The following SCMH1 variants were observed in gnomAD, a reference collection of about 807,000 sequenced individuals.
SCMH1 encodes the protein Scm polycomb group protein homolog 1.
In SCMH1, 37 loss-of-function variants were observed where a neutral mutation model predicts 70.8. The observed-to-expected ratio is 0.52, with a 90% CI of 0.40 to 0.69. The LOEUF is 0.69. Among genes scored for constraint, SCMH1 ranks in the 30% least tolerant of loss-of-function variants. SCMH1 has a pLI of 0.00. For missense variants in SCMH1, 607 were observed against 827.3 expected, an observed-to-expected ratio of 0.73 and a Z score of 3.27; for synonymous variants, 292 against 307.4, an observed-to-expected ratio of 0.95 and a Z score of 0.52.
chr1:41,039,965 T>TA lies in SCMH1; in HGVS notation c.1499-2425dup, dbSNP rs397734233. Among the ~76,000 whole-genome samples the TA allele has an allele frequency of 5.8e-3, 870 of 150,778 alleles. 12 individuals are homozygous for TA. The highest frequency in any genetic ancestry group is 0.025 in the South Asian group (119 of 4,766). On this transcript the variant is annotated intron_variant, in intron 12 of 14. Transcript: ENST00000337495. ...TTGCCAAAAAACTTTTTTTTTTTTTTAAAAAAAGGAGTTCTACTGGTAAAA... is the reference window on the plus strand; with the variant it reads ...TTGCCAAAAAACTTTTTTTTTTTTTTAAAAAAAAGGAGTTCTACTGGTAAAA...
intron 6 of SCMH1, 31 bp downstream of exon 6, chr1:41,142,847 G>A (rs772590287): frequency 1.3e-6 from 2 of 1,556,276 alleles, no homozygotes; most frequent in East Asian, 4.5e-5. Flanking sequence ...ATTAATAATT[G>A]GCTAGAAAGA....
intron 1 of SCMH1, among the ~76,000 whole-genome samples, chr1:41,228,829 C>A (rs903496874): frequency 1.3e-5 from 2 of 151,764 alleles, no homozygotes; most frequent in Admixed American, 6.6e-5. Flanking sequence ...CTGAAAGCAA[C>A]GTGGAAGATG....
At chr1:41,057,779 A>C (rs912414932) in intron 10 of SCMH1, among the ~76,000 whole-genome samples, 2 of 152,172 alleles carry the variant, frequency 1.3e-5, no homozygotes, top group Non-Finnish European at 2.9e-5. Context: ...AGAGAGATGG[A>C]AATTCCAAGA....
chr1:41,158,347 T>C (rs1645731180), intron 4 of SCMH1, among the ~76,000 whole-genome samples: 1 of 152,106 alleles, frequency 6.6e-6, no homozygotes, highest in Non-Finnish European at 1.5e-5. Flanking sequence ...ACCACTAAGA[T>C]AATGTGATAA....
At chr1:41,159,296 T>C (rs1209177766) in intron 4 of SCMH1, among the ~76,000 whole-genome samples, 1 of 152,218 alleles carries the variant, frequency 6.6e-6, no homozygotes, top group Non-Finnish European at 1.5e-5. Flanking sequence ...ATATACTCTA[T>C]GTTAAATTGA....
At chr1:41,033,374 CTGATA>C (rs1200453277) in intron 13 of SCMH1, among the ~76,000 whole-genome samples, 1 of 152,036 alleles carries the variant, frequency 6.6e-6, no homozygotes, top group Non-Finnish European at 1.5e-5. Context: ...AAAAGGTGAC[CTGATA>C]TATCAACAAT....
chr1:41,044,217 AG>A (rs1646613621), intron 12 of SCMH1, among the ~76,000 whole-genome samples: 1 of 152,050 alleles, frequency 6.6e-6, no homozygotes, highest in African/African-American at 2.4e-5. Flanking sequence ...GGAAAGGGGG[AG>A]GGCCAGTAAG....
At chr1:41,034,848 A>G (rs1173370040) in intron 13 of SCMH1, among the ~76,000 whole-genome samples, 1 of 152,136 alleles carries the variant, frequency 6.6e-6, no homozygotes, top group Non-Finnish European at 1.5e-5. Flanking sequence ...ACTGTTACTC[A>G]TAGATATCTG....
At chr1:41,188,385 T>C (rs1650823379) in intron 1 of SCMH1, among the ~76,000 whole-genome samples, 1 of 152,158 alleles carries the variant, frequency 6.6e-6, no homozygotes, top group Non-Finnish European at 1.5e-5. Flanking sequence ...AGCCTCAGCC[T>C]CTCAAAATTT....
In SCMH1 at chr1:41,161,344, C is replaced by T. The variant is rs773041591; in HGVS notation, c.82+20G>A. ...CCGAGTAAAATTTTTCCACACCAAACGGAGTTTTTTCCCCCTTACCTTGAT... is the reference window on the plus strand; with the variant it reads ...CCGAGTAAAATTTTTCCACACCAAATGGAGTTTTTTCCCCCTTACCTTGAT... On this transcript the variant is annotated intron_variant, in intron 3 of 14. Transcript: ENST00000337495. 3.2e-6 allele frequency: 5 copies of T among 1,547,268 alleles called. No homozygotes were observed. The highest frequency in any genetic ancestry group is 4.9e-5 in the East Asian group (2 of 40,860).
At position 41,144,921 on chromosome 1, in the gene SCMH1, C is replaced by T. The variant is rs140003587; in HGVS notation, c.178-1809G>A. 2.6e-3 allele frequency among the ~76,000 whole-genome samples: 396 copies of T among 152,152 alleles called. 1 individual carries two copies. The highest frequency in any genetic ancestry group is 9.1e-3 in the African/African-American group (379 of 41,524). On this transcript the variant is annotated intron_variant, in intron 5 of 14. Transcript: ENST00000337495. ...AGAAATATCTATTCAAATTCTTTGT[C>T]CATTTTAAAATCATGTTGTCTTTTA...
chr1:41,182,195 G>A (rs1373762249), intron 2 of SCMH1, among the ~76,000 whole-genome samples: 1 of 152,158 alleles, frequency 6.6e-6, no homozygotes, highest in African/African-American at 2.4e-5. Flanking sequence ...ACCGGGGCCT[G>A]TTGTGGGATG....
At chr1:41,089,697 T>C (rs1662757557) in intron 8 of SCMH1, among the ~76,000 whole-genome samples, 1 of 151,904 alleles carries the variant, frequency 6.6e-6, no homozygotes, top group Non-Finnish European at 1.5e-5. Flanking sequence ...ATGCTGAACT[T>C]TGGAGCCCTA....
rs1658809268 is a variant in SCMH1 at position 41,219,613 on chromosome 1, TA to T, written c.-118+22445del. Among the ~76,000 whole-genome samples the T allele has an allele frequency of 2.0e-5, 3 of 152,328 alleles. No individual in the cohort carries two copies. In the South Asian group the frequency reaches 6.2e-4, roughly 32 times the overall value. On this transcript the variant is annotated intron_variant, in intron 1 of 14. Transcript: ENST00000337495. Reference sequence around the variant, plus strand: ...TCCTATGGTAGCTCAGTATACTCAATAGTAACCAGTGTTTACTATCAAATAG... The same window carrying T: ...TCCTATGGTAGCTCAGTATACTCAATGTAACCAGTGTTTACTATCAAATAG...
chr1:41,185,450 A>G (rs1649920860), intron 2 of SCMH1, among the ~76,000 whole-genome samples: 3 of 151,960 alleles, frequency 2.0e-5, no homozygotes, highest in African/African-American at 7.3e-5. Flanking sequence ...GCCTCCCCAA[A>G]TGCCGGGATT....
At chr1:41,077,499 A>T (rs987591921) in intron 8 of SCMH1, among the ~76,000 whole-genome samples, 1 of 152,198 alleles carries the variant, frequency 6.6e-6, no homozygotes, top group Non-Finnish European at 1.5e-5. Flanking sequence ...TTCCACTAGA[A>T]GTAGGTAGTA....
At chr1:41,138,977 G>C (rs182106280) in intron 6 of SCMH1, among the ~76,000 whole-genome samples, 10 of 152,276 alleles carry the variant, frequency 6.6e-5, no homozygotes, top group Admixed American at 5.2e-4. Context: ...AGTTGGCATA[G>C]TGAAATACAA....
chr1:41,237,684 T>C (rs1662669841), intron 1 of SCMH1, among the ~76,000 whole-genome samples: 1 of 152,214 alleles, frequency 6.6e-6, no homozygotes, highest in South Asian at 2.1e-4. Context: ...GCTTTCCCTA[T>C]TTTATATATC....
intron 8 of SCMH1, among the ~76,000 whole-genome samples, chr1:41,097,909 T>A (rs1423119489): frequency 2.0e-5 from 3 of 152,236 alleles, no homozygotes; most frequent in African/African-American, 7.2e-5. Context: ...TTCTTTCACC[T>A]TGTCTGATTT....
Sources: allele counts gnomAD v4.1 joint callset (sites outside exome capture counted in the v4.1 genomes callset), GRCh38; gene constraint gnomAD v4.1.1; transcripts MANE v1.5; gene names NCBI Gene and HGNC (gene_info 2026-07-23, HGNC 2026-07-21).